BST1: variants seen among roughly 807,000 people sequenced by gnomAD.
BST1 encodes ADP-ribosyl cyclase/cyclic ADP-ribose hydrolase 2.
In BST1, 49 loss-of-function variants were observed where a neutral mutation model predicts 40.6. The observed-to-expected ratio is 1.21, with a 90% CI of 0.96 to 1.53. The LOEUF (loss-of-function observed/expected upper bound fraction) is 1.53, where lower values mean the gene tolerates loss of function less well. BST1 is among the 40% of genes most tolerant of loss of function. The probability of loss-of-function intolerance (pLI) is 0.00; values close to 1 mark genes in which losing one functional copy is unlikely to be tolerated. For missense variants in BST1, 423 were observed against 395.9 expected (o/e 1.07, Z -0.58); for synonymous variants, 157 against 159.3 (o/e 0.99, Z 0.11).
the BST1 span, among the ~76,000 whole-genome samples, chr4:15,750,127 C>T: frequency 6.6e-6 from 1 of 152,122 alleles, no homozygotes; most frequent in African/African-American, 2.4e-5. Context: ...CAGGTTCAAG[C>T]GATTCTCCTG....
downstream of BST1, among the ~76,000 whole-genome samples, chr4:15,740,817 G>A (rs748233173): frequency 9.9e-5 from 15 of 152,130 alleles, no homozygotes; most frequent in African/African-American, 1.4e-4. Flanking sequence ...CAACTGGGAC[G>A]GGGACTACTG....
intron 2 of BST1, among the ~76,000 whole-genome samples, chr4:15,706,938 T>A (rs1719909830): frequency 6.6e-6 from 1 of 152,228 alleles, no homozygotes; most frequent in Non-Finnish European, 1.5e-5. Context: ...ATTGGACTAC[T>A]GAGGGTCAGA....
At chr4:15,769,511 A>G in the BST1 span, among the ~76,000 whole-genome samples, 5 of 152,252 alleles carry the variant, frequency 3.3e-5, no homozygotes, top group East Asian at 9.7e-4. Flanking sequence ...AGCAAGCCTG[A>G]GCCACAGGGA....
chr4:15,752,320 A>G, the BST1 span, among the ~76,000 whole-genome samples: 1 of 152,110 alleles, frequency 6.6e-6, no homozygotes, highest in Non-Finnish European at 1.5e-5. Context: ...TTTAAATGAG[A>G]AGTCTGGATA....
the BST1 span, among the ~76,000 whole-genome samples, chr4:15,771,187 C>T: frequency 2.0e-5 from 3 of 151,582 alleles, no homozygotes; most frequent in Non-Finnish European, 4.4e-5. Flanking sequence ...TGTTGAGTGT[C>T]TAGCGTGTTC....
At chr4:15,705,271 G>T (rs41267473) in intron 1 of BST1, among the ~76,000 whole-genome samples, 1 of 151,980 alleles carries the variant, frequency 6.6e-6, no homozygotes, top group Non-Finnish European at 1.5e-5. Context: ...GTCTCCGTGA[G>T]CCTGGGGCAA....
At chr4:15,760,638 T>C in the BST1 span, among the ~76,000 whole-genome samples, 1 of 151,424 alleles carries the variant, frequency 6.6e-6, no homozygotes, top group Non-Finnish European at 1.5e-5. Context: ...AAAAATATAA[T>C]TTTTCCTTAT....
At chr4:15,709,441 G>A (rs2148880349) in intron 3 of BST1, among the ~76,000 whole-genome samples, 1 of 152,336 alleles carries the variant, frequency 6.6e-6, no homozygotes, top group Non-Finnish European at 1.5e-5. Context: ...CACTGTGAGT[G>A]AGATGGGCAG....
intron 4 of BST1, among the ~76,000 whole-genome samples, chr4:15,714,769 G>A (rs1720417703): frequency 6.6e-6 from 1 of 152,160 alleles, no homozygotes; most frequent in Non-Finnish European, 1.5e-5. Flanking sequence ...GACTTACACT[G>A]GCCAATCAGT....
chr4:15,758,103 G>A, the BST1 span, among the ~76,000 whole-genome samples: 1 of 152,070 alleles, frequency 6.6e-6, no homozygotes, highest in African/African-American at 2.4e-5. Flanking sequence ...ATTAAATTAA[G>A]CTAGTTAACA....
At chr4:15,729,381 G>A (rs535692085) in intron 8 of BST1, among the ~76,000 whole-genome samples, 56 of 152,154 alleles carry the variant, frequency 3.7e-4, no homozygotes, top group African/African-American at 8.7e-4. Flanking sequence ...CTCTAAACCC[G>A]GGAAGGTCAA....
downstream of BST1, among the ~76,000 whole-genome samples, chr4:15,740,886 A>G (rs747576735): frequency 3.3e-5 from 5 of 151,892 alleles, no homozygotes; most frequent in Non-Finnish European, 1.5e-5. Context: ...GTGAAGTAAT[A>G]CTTTTAGCTT....
At chr4:15,749,562 A>G in the BST1 span, among the ~76,000 whole-genome samples, 1 of 152,248 alleles carries the variant, frequency 6.6e-6, no homozygotes, top group Non-Finnish European at 1.5e-5. Context: ...AGCAAAGAAT[A>G]GCTCTGGAAA....
chr4:15,745,340 C>G, the BST1 span, among the ~76,000 whole-genome samples: 7 of 152,142 alleles, frequency 4.6e-5, no homozygotes, highest in African/African-American at 1.7e-4. Flanking sequence ...ATAACTATTA[C>G]TCTGATTACA....
At chr4:15,711,633 C>T (rs535905009) in intron 3 of BST1, among the ~76,000 whole-genome samples, 174 bp from the exon 4 acceptor site, 2 of 152,282 alleles carry the variant, frequency 1.3e-5, no homozygotes, top group Admixed American at 6.5e-5. Context: ...ACAAGGTGGT[C>T]CCTCACCAGG....
At chr4:15,753,926 C>G in the BST1 span, among the ~76,000 whole-genome samples, 1 of 152,180 alleles carries the variant, frequency 6.6e-6, no homozygotes, top group African/African-American at 2.4e-5. Context: ...TGTCAAGGAA[C>G]CCAGTGGCCT....
chr4:15,746,288 C>T, the BST1 span, among the ~76,000 whole-genome samples: 1 of 152,190 alleles, frequency 6.6e-6, no homozygotes, highest in African/African-American at 2.4e-5. Context: ...ACTGTTCTTT[C>T]TTTTTGAGTC....
At chr4:15,719,887 G>A (rs541299805) in intron 7 of BST1, among the ~76,000 whole-genome samples, 12 of 152,284 alleles carry the variant, frequency 7.9e-5, no homozygotes, top group Admixed American at 2.6e-4. Flanking sequence ...TCTGTTATCT[G>A]TACCTTTTAC....
intron 6 of BST1, 130 bp downstream of exon 6, chr4:15,715,929 A>G: frequency 3.1e-6 from 2 of 637,994 alleles, no homozygotes; most frequent in South Asian, 6.0e-5. Flanking sequence ...TGGGGTTGGT[A>G]GAGAAAGACA....
Sources: gnomAD v4.1 joint callset for allele counts (sites outside exome capture counted in the v4.1 genomes callset) on GRCh38, gnomAD v4.1.1 for gene constraint, MANE v1.5 for transcripts, NCBI Gene and HGNC (gene_info 2026-07-23, HGNC 2026-07-21) for gene names.